The following ABCA12 variants were observed in gnomAD, a reference collection of about 807,000 sequenced individuals.
The protein encoded by ABCA12 is glucosylceramide transporter ABCA12.
A neutral mutation model predicts 293.5 loss-of-function variants in ABCA12; 156 were observed. The ratio of observed to expected loss-of-function variants is 0.53; its 90% confidence interval spans 0.47 to 0.61. ABCA12 has a LOEUF of 0.61. Ranked by LOEUF, ABCA12 falls within the 20% of genes least tolerant of loss-of-function variation. The pLI, the probability that ABCA12 is intolerant of heterozygous loss-of-function variation, is 0.00. For synonymous variants in ABCA12, 1,063 were observed against 1,108.0 expected (o/e 0.96, Z 0.81); for missense variants, 2,797 against 3,090.2 (o/e 0.91, Z 2.25).
At chr2:215,010,511 C>T (rs1431332135) in intron 17 of ABCA12, 41 bp from the exon 18 acceptor site, 4 of 1,604,784 alleles carry the variant, frequency 2.5e-6, no homozygotes, top group African/African-American at 2.7e-5. Context: ...AATAGATGTA[C>T]TTCAAATCCA....
chr2:215,030,564 A>G (rs1009426488), intron 9 of ABCA12, among the ~76,000 whole-genome samples: 4 of 151,098 alleles, frequency 2.6e-5, no homozygotes, highest in Non-Finnish European at 5.9e-5. Context: ...AGATGGCGCC[A>G]CTGCACTCCA....
Position 214,983,655 on chromosome 2 carries a change from T to A in ABCA12, c.4374A>T (p.Glu1458Asp), listed in dbSNP as rs1699719649. 6.2e-7 allele frequency: 1 copy of A among 1,614,084 alleles called. No homozygotes were observed. The highest frequency in any genetic ancestry group is 8.5e-7 in the Non-Finnish European group (1 of 1,179,946). ...PHWTKKQLHE[E>D]VKRTLKDTGL... ...TTCCTGTCTTAACTTGCCTTTTTAC[T>A]TCCTCGTGGAGCTGCTTTTTAGTCC... Residue 1458 changes from glutamate to aspartate, a missense_variant, in exon 29 of 53, where the codon GAA becomes GAT. Physicochemically the swap from Glu to Asp is conservative, Grantham distance 45 (BLOSUM62 2). This residue lies in a region of ABCA12 where 2,130 missense variants were observed against 2,427.0 expected (regional missense o/e 0.88). Coordinates refer to ENST00000272895, the MANE Select transcript of ABCA12 (RefSeq NM_173076.3).
chr2:214,947,269 A>T (rs1405784069), intron 48 of ABCA12, among the ~76,000 whole-genome samples, 153 bp downstream of exon 48: 1 of 152,220 alleles, frequency 6.6e-6, no homozygotes. Flanking sequence ...TCCTTTATTG[A>T]GATAGTATAC....
Position 214,989,636 on chromosome 2 carries a change from A to G in ABCA12, c.3625-15T>C. 1 of 1,613,456 alleles carries G rather than the reference A, an allele frequency of 6.2e-7. No individual in the cohort carries two copies. Among genetic ancestry groups the G allele is most frequent in the South Asian group, 1.1e-5 (1 of 91,012 alleles). ...GACAGCAGGCTCTGTGAAGAAAGGA[A>G]ACGGCAATGATAGTTCTTGTAGATT... On this transcript the variant is annotated splice_polypyrimidine_tract_variant and intron_variant, in intron 24 of 52. Transcript: ENST00000272895.
chr2:215,045,729 T>A, intron 7 of ABCA12, 108 bp downstream of exon 7: 3 of 1,010,244 alleles, frequency 3.0e-6, no homozygotes, highest in Non-Finnish European at 4.4e-6. Flanking sequence ...GAAGGATTAT[T>A]TGCTCTGTGT....
At chr2:214,966,801 A>C (rs1433742770) in intron 39 of ABCA12, 47 bp downstream of exon 39, 1 of 1,551,194 alleles carries the variant, frequency 6.4e-7, no homozygotes, top group East Asian at 2.3e-5. Flanking sequence ...TTATACAAAG[A>C]GTAACAGAAG....
At chr2:214,976,725 A>C (rs1018938401) in intron 33 of ABCA12, among the ~76,000 whole-genome samples, 3 of 152,198 alleles carry the variant, frequency 2.0e-5, no homozygotes, top group African/African-American at 7.2e-5. Context: ...CATTAGAAAA[A>C]ATATCTACCA....
At chr2:214,934,563 A>G (rs1698160763) in intron 51 of ABCA12, among the ~76,000 whole-genome samples, 1 of 152,210 alleles carries the variant, frequency 6.6e-6, no homozygotes, top group Non-Finnish European at 1.5e-5. Flanking sequence ...TCAGTGCTCA[A>G]TCTTAAGAAA....
At chr2:214,934,967 T>C (rs2105908159) in intron 51 of ABCA12, among the ~76,000 whole-genome samples, 2 of 152,302 alleles carry the variant, frequency 1.3e-5, no homozygotes, top group South Asian at 4.1e-4. Context: ...AGAAACTCTG[T>C]ACACTTAACT....
intron 24 of ABCA12, 35 bp from the exon 25 acceptor site, chr2:214,989,656 T>C (rs776988054): frequency 1.2e-6 from 2 of 1,609,988 alleles, no homozygotes; most frequent in South Asian, 1.1e-5. Flanking sequence ...ATAGTTCTTG[T>C]AGATTTCATG....
At chr2:215,077,967 A>T (rs771848764) in intron 2 of ABCA12, among the ~76,000 whole-genome samples, 1 of 152,210 alleles carries the variant, frequency 6.6e-6, no homozygotes, top group Non-Finnish European at 1.5e-5. Flanking sequence ...TATTCAGTCA[A>T]TCCTTTCAAG....
intron 1 of ABCA12, among the ~76,000 whole-genome samples, chr2:215,134,982 T>C (rs536633694): frequency 2.0e-5 from 3 of 152,238 alleles, no homozygotes; most frequent in African/African-American, 7.2e-5. Context: ...TTTCTTTTTT[T>C]GAGACAGAGT....
chr2:215,114,679 T>C (rs1427436707), intron 1 of ABCA12, among the ~76,000 whole-genome samples: 1 of 152,254 alleles, frequency 6.6e-6, no homozygotes, highest in Non-Finnish European at 1.5e-5. Flanking sequence ...TAGCCTCATC[T>C]CTGATTTATT....
chr2:215,105,694 G>A (rs796107474), intron 2 of ABCA12, among the ~76,000 whole-genome samples: 3 of 152,104 alleles, frequency 2.0e-5, no homozygotes, highest in African/African-American at 7.2e-5. Flanking sequence ...ACCAAGGGGT[G>A]ACAGGAAGGA....
At chr2:214,953,613 C>T (rs888106301) in intron 44 of ABCA12, among the ~76,000 whole-genome samples, 1 of 152,200 alleles carries the variant, frequency 6.6e-6, no homozygotes, top group African/African-American at 2.4e-5. Flanking sequence ...TTAAGGTTAA[C>T]AACTGTGCTT....
chr2:214,938,900 T>C (rs1020000956), intron 50 of ABCA12, among the ~76,000 whole-genome samples: 21 of 152,208 alleles, frequency 1.4e-4, no homozygotes, highest in African/African-American at 5.1e-4. Flanking sequence ...TCTCCCGTTC[T>C]GTAGGTTGCC....
intron 8 of ABCA12, chr2:215,032,172 A>G (rs1012283849): frequency 8.4e-7 from 1 of 1,194,064 alleles, no homozygotes; most frequent in African/African-American, 1.6e-5. Context: ...CCACTACATT[A>G]TTTTATCCCA....
At chr2:214,993,941 G>A (rs1293208513) in intron 23 of ABCA12, among the ~76,000 whole-genome samples, 1 of 152,126 alleles carries the variant, frequency 6.6e-6, no homozygotes, top group Non-Finnish European at 1.5e-5. Context: ...CTCAAGATCA[G>A]ATTCCAGTCC....
chr2:215,138,558 T>C lies in ABCA12; in HGVS notation c.-350A>G, dbSNP rs903772240. 1.6e-5 allele frequency: 4 copies of C among 256,182 alleles called. No homozygotes were observed. Among genetic ancestry groups the C allele is most frequent in the African/African-American group, 7.7e-5 (3 of 39,214 alleles). 15.9% of individuals were successfully genotyped at this position (256,182 alleles called of 1,614,324 possible). A position where few individuals can be genotyped will look rare whatever the true frequency, so the allele number is the denominator to read the frequency against. ...GAGCATCATTCAGATAATGCCTCAC[T>C]GAAAAAAAAAAAAAAGCAGCAGCTG... On this transcript the variant is annotated 5_prime_UTR_variant, in exon 1 of 53. Transcript: ENST00000272895.
Sources: gnomAD v4.1 joint callset for allele counts (sites outside exome capture counted in the v4.1 genomes callset) on GRCh38, gnomAD v4.1.1 for gene constraint, gnomAD v4.1.1 regional missense constraint, MANE v1.5 for transcripts, NCBI Gene and HGNC (gene_info 2026-07-23, HGNC 2026-07-21) for gene names.